The following UNC80 variants were observed in gnomAD, a reference collection of about 807,000 sequenced individuals.
UNC80 encodes the protein protein unc-80 homolog.
UNC80 carries 164 observed loss-of-function variants against 384.6 expected under a neutral mutation model. The ratio of observed to expected loss-of-function variants is 0.43; its 90% CI spans 0.38 to 0.49. The LOEUF is 0.49. UNC80 is among the 20% of genes least tolerant of loss of function. The probability of loss-of-function intolerance (pLI) is 0.00; values close to 1 mark genes in which losing one functional copy is unlikely to be tolerated. For synonymous variants in UNC80, 1,486 were observed against 1,527.8 expected (o/e 0.97, Z 0.64); for missense variants, 3,330 against 4,143.0 (o/e 0.80, Z 5.39).
intron 23 of UNC80, among the ~76,000 whole-genome samples, chr2:209,877,213 T>A (rs2084858390): frequency 2.0e-5 from 3 of 152,166 alleles, no homozygotes; most frequent in Admixed American, 2.0e-4. Context: ...AGATAGTGTT[T>A]TTTGTCTCTT....
intron 13 of UNC80, among the ~76,000 whole-genome samples, chr2:209,821,094 T>G (rs750678861): frequency 5.3e-5 from 8 of 151,334 alleles, no homozygotes; most frequent in Non-Finnish European, 7.3e-5. Flanking sequence ...AATAGAAATT[T>G]ATTTCTCATG....
intron 39 of UNC80, 51 bp downstream of exon 39, chr2:209,934,056 T>C (rs2091074817): frequency 8.9e-6 from 13 of 1,453,128 alleles, no homozygotes; most frequent in South Asian, 1.4e-5. Flanking sequence ...AAATTATAAA[T>C]AGCCCTTTGA....
chr2:209,797,380 G>A (rs2078230679), intron 7 of UNC80, among the ~76,000 whole-genome samples: 1 of 152,070 alleles, frequency 6.6e-6, no homozygotes, highest in Non-Finnish European at 1.5e-5. Context: ...GTATCCATGT[G>A]TTCTCAATGT....
At chr2:209,908,428 A>G (rs929606593) in intron 29 of UNC80, among the ~76,000 whole-genome samples, 1 of 152,220 alleles carries the variant, frequency 6.6e-6, no homozygotes, top group Non-Finnish European at 1.5e-5. Flanking sequence ...TTTTTAAAAA[A>G]CAAAATGTCA....
chr2:209,773,896 G>T (rs1331387309), intron 2 of UNC80, among the ~76,000 whole-genome samples: 4 of 152,156 alleles, frequency 2.6e-5, no homozygotes, highest in African/African-American at 9.7e-5. Context: ...CATTTGTCCT[G>T]AGATTCTAAG....
intron 30 of UNC80, 77 bp from the exon 31 acceptor site, chr2:209,913,725 T>A: frequency 7.1e-7 from 1 of 1,415,000 alleles, no homozygotes; most frequent in Admixed American, 2.5e-5. Context: ...AGAGGGGACG[T>A]GGCTTTTAAG....
At chr2:209,904,669 C>T in intron 28 of UNC80, 96 bp from the exon 29 acceptor site, 1 of 1,055,088 alleles carries the variant, frequency 9.5e-7, no homozygotes, top group Admixed American at 2.0e-5. Flanking sequence ...TCCAGGGAAG[C>T]TGACATTCTG....
intron 26 of UNC80, among the ~76,000 whole-genome samples, chr2:209,893,496 A>G (rs1431465479): frequency 1.3e-5 from 2 of 152,206 alleles, no homozygotes; most frequent in Admixed American, 1.3e-4. Flanking sequence ...TCTTCTTGGT[A>G]TGCATAGACT....
intron 22 of UNC80, among the ~76,000 whole-genome samples, chr2:209,849,844 A>C (rs758703760): frequency 5.9e-5 from 9 of 152,150 alleles, no homozygotes; most frequent in Non-Finnish European, 8.8e-5. Context: ...CTCTGGAATC[A>C]GACTGACTGA....
Position 209,776,575 on chromosome 2 carries a change from C to T in UNC80, c.298+530C>T, listed in dbSNP as rs185533423. Among the ~76,000 whole-genome samples the T allele has an allele frequency of 1.4e-4, 21 of 152,194 alleles. No individual in the cohort carries two copies. In the East Asian group the frequency reaches 2.9e-3, roughly 21 times the overall value. On this transcript the variant is annotated intron_variant, in intron 3 of 64. Coordinates refer to ENST00000673920, the MANE Select transcript of UNC80 (RefSeq NM_001371986.1). ...CAGCCTAGGTGACAAAGTGAGACTC[C>T]GTCTCAAAAACAAACAAACAAAAAC...
intron 28 of UNC80, among the ~76,000 whole-genome samples, chr2:209,899,085 A>C (rs556627007): frequency 6.6e-5 from 10 of 152,292 alleles, no homozygotes; most frequent in Admixed American, 2.0e-4. Flanking sequence ...CAAACATGGG[A>C]GTGCAGATAT....
Position 209,996,756 on chromosome 2 carries a change from T to C in UNC80, c.*1161T>C, listed in dbSNP as rs2093489593. 1 of 152,224 alleles carries C rather than the reference T, an allele frequency of 6.6e-6. No homozygotes were observed. The highest frequency in any genetic ancestry group is 1.5e-5 in the Non-Finnish European group (1 of 68,032). 9.4% of individuals were successfully genotyped at this position (152,224 alleles called of 1,614,324 possible). ...CCAACACCTAGTGTGTTACTGATCC[T>C]ATGGTAGGGCTGTGCATCACGTGGT... On this transcript the variant is annotated 3_prime_UTR_variant, in exon 65 of 65. Transcript: ENST00000673920.
At chr2:209,791,206 C>G (rs1045075484) in intron 6 of UNC80, among the ~76,000 whole-genome samples, 1 of 152,140 alleles carries the variant, frequency 6.6e-6, no homozygotes, top group Admixed American at 6.5e-5. Flanking sequence ...GCATAAATAC[C>G]ACTAATAATT....
At position 209,941,231 on chromosome 2, in the gene UNC80, A is replaced by G; in HGVS notation, c.6657A>G (p.Glu2219=). 6.6e-7 allele frequency: 1 copy of G among 1,511,084 alleles called. No homozygotes were observed. Among genetic ancestry groups the G allele is most frequent in the Non-Finnish European group, 8.9e-7 (1 of 1,119,164 alleles). 93.6% of individuals were successfully genotyped at this position (1,511,084 alleles called of 1,614,324 possible). Residue 2219 remains glutamate (E), a synonymous_variant, in exon 44 of 65, where the codon GAA becomes GAG. Transcript: ENST00000673920. Reference sequence around the variant, plus strand: ...TTCATGTTCTCACAGCTGGAAAGGAACTGTTTGGCCTCGACACTCTTCAGA... The same window carrying G: ...TTCATGTTCTCACAGCTGGAAAGGAGCTGTTTGGCCTCGACACTCTTCAGA... ...SLFSDPQAGK[E]LFGLDTLQKS...
At chr2:209,863,586 G>T (rs1401930229) in intron 22 of UNC80, among the ~76,000 whole-genome samples, 1 of 151,592 alleles carries the variant, frequency 6.6e-6, no homozygotes, top group East Asian at 1.9e-4. Context: ...CAGCAAGGTG[G>T]TCTTCAAACT....
At position 209,930,967 on chromosome 2, in the gene UNC80, G is replaced by A; in HGVS notation, c.5908-1G>A. 1 of 1,539,660 alleles carries A rather than the reference G, an allele frequency of 6.5e-7. No homozygotes were observed. Among genetic ancestry groups the A allele is most frequent in the Non-Finnish European group, 8.8e-7 (1 of 1,139,680 alleles). ...CATTAAAAATTCTGTTCTTCTTTCA[G>A]GATGAGTTAATGTACATGCTGCGCA... On this transcript the variant is annotated splice_acceptor_variant, in intron 37 of 64. Transcript: ENST00000673920. LOFTEE classifies it high-confidence loss of function.
chr2:209,817,772 A>C, intron 10 of UNC80, 40 bp from the exon 11 acceptor site: 1 of 1,549,154 alleles, frequency 6.5e-7, no homozygotes, highest in Non-Finnish European at 8.7e-7. Flanking sequence ...TAACTTTCAG[A>C]TTTTAAAACC....
chr2:209,871,457 A>G (rs2084288400), intron 22 of UNC80, among the ~76,000 whole-genome samples: 1 of 152,226 alleles, frequency 6.6e-6, no homozygotes, highest in Non-Finnish European at 1.5e-5. Context: ...CATGTAATTG[A>G]CAGTCTATGT....
chr2:209,934,988 A>G (rs1374973495), intron 39 of UNC80, among the ~76,000 whole-genome samples: 1 of 152,232 alleles, frequency 6.6e-6, no homozygotes, highest in Non-Finnish European at 1.5e-5. Flanking sequence ...AAGATTTGTA[A>G]TTAATGAATG....
Sources: allele counts gnomAD v4.1 joint callset (sites outside exome capture counted in the v4.1 genomes callset), GRCh38; gene constraint gnomAD v4.1.1; transcripts MANE v1.5; gene names NCBI Gene and HGNC (gene_info 2026-07-23, HGNC 2026-07-21).